The following ACAP2 variants were observed in gnomAD, a reference collection of about 807,000 sequenced individuals.
ACAP2 encodes ArfGAP with coiled-coil, ankyrin repeat and PH domains 2, also known as arf-GAP with coiled-coil, ANK repeat and PH domain-containing protein 2.
ACAP2 carries 39 observed loss-of-function variants against 115.8 expected under a neutral mutation model. That is an observed-to-expected ratio of 0.34 (90% CI 0.26 to 0.44). The LOEUF is 0.44. Ranked by LOEUF, ACAP2 falls within the 20% of genes least tolerant of loss-of-function variation. The probability of loss-of-function intolerance (pLI) is 1.00; values close to 1 mark genes in which losing one functional copy is unlikely to be tolerated. For missense variants in ACAP2, 662 were observed against 927.6 expected, an observed-to-expected ratio of 0.71 and a Z score of 3.72; for synonymous variants, 289 against 315.8, an observed-to-expected ratio of 0.92 and a Z score of 0.90.
chr3:195,313,490 AAAC>A (rs1728891359), intron 10 of ACAP2, among the ~76,000 whole-genome samples: 1 of 152,206 alleles, frequency 6.6e-6, no homozygotes. Flanking sequence ...TTAGGCAAAT[AAAC>A]ATTTCTCCCA....
intron 10 of ACAP2, among the ~76,000 whole-genome samples, chr3:195,309,240 G>A (rs1728603667): frequency 6.6e-6 from 1 of 152,118 alleles, no homozygotes; most frequent in Non-Finnish European, 1.5e-5. Flanking sequence ...TGTATATCGT[G>A]AATAAAAGTA....
intron 1 of ACAP2, among the ~76,000 whole-genome samples, chr3:195,404,626 C>G (rs1374397895): frequency 6.6e-6 from 1 of 151,566 alleles, no homozygotes; most frequent in Non-Finnish European, 1.5e-5. Flanking sequence ...TTTTCTTTCT[C>G]AGAAGGCTGA....
intron 1 of ACAP2, among the ~76,000 whole-genome samples, chr3:195,397,001 C>CA (rs1462810432): frequency 6.6e-6 from 1 of 151,860 alleles, no homozygotes; most frequent in East Asian, 1.9e-4. Context: ...TATTCAAGAT[C>CA]ATTAATAGGC....
chr3:195,340,786 C>T (rs73890783), intron 6 of ACAP2, among the ~76,000 whole-genome samples: 5,107 of 152,156 alleles, frequency 0.034, 288 homozygotes, highest in African/African-American at 0.12. Context: ...AGTGTGGGTA[C>T]ACTACAGCAG....
chr3:195,343,294 A>G (rs1471066262), intron 5 of ACAP2, among the ~76,000 whole-genome samples: 1 of 152,262 alleles, frequency 6.6e-6, no homozygotes, highest in East Asian at 1.9e-4. Context: ...GGTAGTATAC[A>G]TAAGAATCTC....
At chr3:195,419,768 CATT>C (rs2108829969) in intron 1 of ACAP2, among the ~76,000 whole-genome samples, 1 of 152,290 alleles carries the variant, frequency 6.6e-6, no homozygotes, top group African/African-American at 2.4e-5. Flanking sequence ...AGTTGTCTCT[CATT>C]ATTATCTAGT....
intron 4 of ACAP2, among the ~76,000 whole-genome samples, chr3:195,373,138 G>T (rs1439792611): frequency 1.3e-5 from 2 of 151,624 alleles, no homozygotes; most frequent in African/African-American, 4.8e-5. Flanking sequence ...CTTACATTAA[G>T]AATTTATTTG....
At chr3:195,430,957 T>C (rs1715070193) in intron 1 of ACAP2, among the ~76,000 whole-genome samples, 1 of 152,144 alleles carries the variant, frequency 6.6e-6, no homozygotes, top group South Asian at 2.1e-4. Context: ...TTTTAGTATA[T>C]TTAGAGTTCT....
intron 15 of ACAP2, among the ~76,000 whole-genome samples, chr3:195,297,965 A>C (rs1241335478): frequency 2.6e-5 from 4 of 152,150 alleles, no homozygotes; most frequent in African/African-American, 9.7e-5. Flanking sequence ...AGTTATGCCC[A>C]ATTCCAGGCT....
At chr3:195,324,157 A>C (rs1165661385) in intron 9 of ACAP2, among the ~76,000 whole-genome samples, 2 of 152,212 alleles carry the variant, frequency 1.3e-5, no homozygotes, top group Non-Finnish European at 2.9e-5. Flanking sequence ...CTAATAGTTC[A>C]CAAATAGGAT....
In ACAP2 at chr3:195,285,021, A is replaced by G. The variant is rs142809954; in HGVS notation, c.2236+775T>C. Among the ~76,000 whole-genome samples, 18 of 152,380 alleles carry G rather than the reference A, an allele frequency of 1.2e-4. No individual in the cohort carries two copies. The East Asian group carries it at 3.5e-3, about 29-fold the overall frequency. On this transcript the variant is annotated intron_variant, in intron 22 of 22. Coordinates refer to ENST00000326793, the MANE Select transcript of ACAP2 (RefSeq NM_012287.6). Reference sequence around the variant, plus strand: ...ACTCAAAATGAAACTTGAGGTGATCATGAATTGAAATTTCTCAAGTAGAAT... The same window carrying G: ...ACTCAAAATGAAACTTGAGGTGATCGTGAATTGAAATTTCTCAAGTAGAAT...
At chr3:195,442,199 TC>T (rs1716052687) in intron 1 of ACAP2, 1 of 152,766 alleles carries the variant, frequency 6.5e-6, no homozygotes, top group African/African-American at 2.4e-5. Context: ...CCCCCGCGAT[TC>T]CCGCACGCAT....
At chr3:195,350,671 A>G (rs1731502811) in intron 4 of ACAP2, among the ~76,000 whole-genome samples, 1 of 151,856 alleles carries the variant, frequency 6.6e-6, no homozygotes, top group Non-Finnish European at 1.5e-5. Flanking sequence ...AAGAAAAAAG[A>G]CAAGCAAAAA....
At chr3:195,344,377 G>C (rs1050325495) in intron 5 of ACAP2, among the ~76,000 whole-genome samples, 3 of 151,890 alleles carry the variant, frequency 2.0e-5, no homozygotes, top group African/African-American at 7.3e-5. Flanking sequence ...TTCCCAGCCA[G>C]GAATCAAAAG....
chr3:195,358,316 T>C (rs559492961), intron 4 of ACAP2, among the ~76,000 whole-genome samples: 103 of 152,214 alleles, frequency 6.8e-4, no homozygotes, highest in Non-Finnish European at 1.2e-3. Context: ...AATTCTTCAA[T>C]GCCTAGATAA....
intron 18 of ACAP2, among the ~76,000 whole-genome samples, chr3:195,293,244 C>G (rs538695654): frequency 6.6e-6 from 1 of 152,328 alleles, no homozygotes; most frequent in East Asian, 1.9e-4. Flanking sequence ...CCAAACCTCA[C>G]TTCATTCCTA....
At chr3:195,436,440 T>C (rs187878677) in intron 1 of ACAP2, among the ~76,000 whole-genome samples, 37 of 152,242 alleles carry the variant, frequency 2.4e-4, no homozygotes, top group Admixed American at 2.0e-3. Context: ...AGCCCTCTTA[T>C]TATACTTGCC....
chr3:195,374,189 C>T (rs1733360729), intron 4 of ACAP2, among the ~76,000 whole-genome samples: 1 of 152,104 alleles, frequency 6.6e-6, no homozygotes, highest in Non-Finnish European at 1.5e-5. Flanking sequence ...AGTTCGAGAC[C>T]AGCCTGGCCA....
intron 4 of ACAP2, among the ~76,000 whole-genome samples, chr3:195,347,909 G>A (rs557538253): frequency 1.3e-4 from 20 of 152,224 alleles, no homozygotes; most frequent in Middle Eastern, 3.4e-3. Context: ...CTATTCAAGA[G>A]ACTAAGGCAA....
Sources: allele counts gnomAD v4.1 joint callset (sites outside exome capture counted in the v4.1 genomes callset), GRCh38; gene constraint gnomAD v4.1.1; transcripts MANE v1.5; gene names NCBI Gene and HGNC (gene_info 2026-07-23, HGNC 2026-07-21).